The following CAMKMT variants were observed in gnomAD, a reference collection of about 807,000 sequenced individuals.
CAMKMT encodes the protein calmodulin-lysine N-methyltransferase, also known as CaM KMT.
A neutral mutation model predicts 48.0 loss-of-function variants in CAMKMT; 53 were observed. The ratio of observed to expected loss-of-function variants is 1.10; its 90% CI spans 0.89 to 1.39. The LOEUF (loss-of-function observed/expected upper bound fraction) is 1.39, where lower values mean the gene tolerates loss of function less well. CAMKMT is among the 40% of genes most tolerant of loss of function. The pLI is 0.00. For missense variants in CAMKMT, 428 were observed against 402.7 expected (o/e 1.06, Z -0.54); for synonymous variants, 165 against 152.3 (o/e 1.08, Z -0.61).
chr2:44,760,536 G>A (rs1042531587), intron 9 of CAMKMT, among the ~76,000 whole-genome samples: 3 of 151,492 alleles, frequency 2.0e-5, no homozygotes, highest in South Asian at 2.1e-4. Flanking sequence ...GTGTGAACCC[G>A]GGAGGTGGAG....
intron 7 of CAMKMT, among the ~76,000 whole-genome samples, chr2:44,735,958 G>T (rs1438804493): frequency 1.3e-5 from 2 of 151,936 alleles, no homozygotes; most frequent in East Asian, 3.9e-4. Flanking sequence ...GTAGTATACT[G>T]CCATTGGTCC....
chr2:44,624,446 T>C (rs1303147780), intron 3 of CAMKMT, among the ~76,000 whole-genome samples: 1 of 152,120 alleles, frequency 6.6e-6, no homozygotes, highest in Non-Finnish European at 1.5e-5. Flanking sequence ...CATTTAGCAT[T>C]AGGTATATCT....
chr2:44,385,965 G>T (rs1680743953), intron 2 of CAMKMT, among the ~76,000 whole-genome samples: 1 of 152,048 alleles, frequency 6.6e-6, no homozygotes, highest in Non-Finnish European at 1.5e-5. Context: ...CCTGGTTTTG[G>T]TATTAGAGTG....
intron 3 of CAMKMT, among the ~76,000 whole-genome samples, chr2:44,534,347 C>G (rs191507273): frequency 6.6e-6 from 1 of 152,200 alleles, no homozygotes; most frequent in Admixed American, 6.5e-5. Flanking sequence ...AAATCAACAA[C>G]GAGACATTGG....
chr2:44,629,258 G>A (rs1010118044), intron 3 of CAMKMT, among the ~76,000 whole-genome samples: 2 of 151,892 alleles, frequency 1.3e-5, no homozygotes, highest in African/African-American at 4.8e-5. Flanking sequence ...TGACTCCTAC[G>A]TCTTTATGAA....
intron 3 of CAMKMT, among the ~76,000 whole-genome samples, chr2:44,436,035 A>G (rs1390150961): frequency 1.3e-5 from 2 of 151,048 alleles, no homozygotes; most frequent in East Asian, 3.9e-4. Context: ...GTCATTATAG[A>G]TAGCATGTGC....
chr2:44,610,840 A>G (rs1290323140), intron 3 of CAMKMT, among the ~76,000 whole-genome samples: 1 of 152,234 alleles, frequency 6.6e-6, no homozygotes, highest in East Asian at 1.9e-4. Context: ...AAACGGATCC[A>G]TAGACTCAAT....
Position 44,385,661 on chromosome 2 carries a change from T to C in CAMKMT, c.312-4580T>C, listed in dbSNP as rs550613825. On this transcript the variant is annotated intron_variant, in intron 2 of 10. Transcript: ENST00000378494. The stretch of plus-strand genomic sequence containing the variant: ...AAGGAATGTCCCTTGTATGCCAGTT[T>C]TGCTGAGAGTTTTAATCATAAAGCA... Among the ~76,000 whole-genome samples the C allele has an allele frequency of 8.5e-5, 13 of 152,318 alleles. No homozygotes were observed. The South Asian group carries it at 1.2e-3, about 15-fold the overall frequency.
intron 3 of CAMKMT, among the ~76,000 whole-genome samples, chr2:44,545,683 T>TTTG (rs1374982438): frequency 1.4e-5 from 2 of 147,318 alleles, no homozygotes; most frequent in African/African-American, 5.0e-5. Flanking sequence ...GACTCGGTCT[T>TTTG]TTTTTTTTTT....
At chr2:44,415,115 C>T (rs1169979647) in intron 3 of CAMKMT, among the ~76,000 whole-genome samples, 2 of 152,266 alleles carry the variant, frequency 1.3e-5, no homozygotes, top group East Asian at 3.9e-4. Context: ...GGCGCCACTG[C>T]ACTCCAGCCT....
At chr2:44,408,106 A>G (rs1442273810) in intron 3 of CAMKMT, among the ~76,000 whole-genome samples, 4 of 148,782 alleles carry the variant, frequency 2.7e-5, no homozygotes, top group African/African-American at 1.0e-4. Context: ...GCTCACTGCA[A>G]CCTCCACCTC....
At chr2:44,431,936 G>A (rs1326044368) in intron 3 of CAMKMT, among the ~76,000 whole-genome samples, 1 of 152,152 alleles carries the variant, frequency 6.6e-6, no homozygotes, top group African/African-American at 2.4e-5. Flanking sequence ...AAAAGGCTGT[G>A]CTTCACTTTC....
intron 3 of CAMKMT, among the ~76,000 whole-genome samples, chr2:44,430,977 G>A (rs1396385736): frequency 1.3e-5 from 2 of 152,096 alleles, no homozygotes; most frequent in Non-Finnish European, 2.9e-5. Flanking sequence ...TTTGTAGCAC[G>A]TTATTAAAAA....
chr2:44,542,496 TACACACACAC>T (rs371102222), intron 3 of CAMKMT, among the ~76,000 whole-genome samples: 8,300 of 133,926 alleles, frequency 0.062, 203 homozygotes, highest in African/African-American at 0.085. Context: ...CACATACACA[TACACACACAC>T]ACACACACAC....
intron 3 of CAMKMT, among the ~76,000 whole-genome samples, chr2:44,577,671 G>A (rs1669302660): frequency 1.5e-5 from 2 of 135,664 alleles, no homozygotes; most frequent in South Asian, 5.1e-4. Flanking sequence ...GGGAGAGGGA[G>A]AGGGAGACAG....
At chr2:44,566,025 G>A (rs1451133334) in intron 3 of CAMKMT, among the ~76,000 whole-genome samples, 1 of 152,228 alleles carries the variant, frequency 6.6e-6, no homozygotes, top group East Asian at 1.9e-4. Flanking sequence ...AGTAATTGAG[G>A]ATTACAAATT....
intron 3 of CAMKMT, among the ~76,000 whole-genome samples, chr2:44,673,428 A>G (rs1251562110): frequency 3.9e-5 from 4 of 102,088 alleles, no homozygotes; most frequent in African/African-American, 7.0e-5. Flanking sequence ...GACCCTGTTT[A>G]AAAAAAAAAA....
chr2:44,524,661 T>G (rs1240076159), intron 3 of CAMKMT, among the ~76,000 whole-genome samples: 1 of 152,176 alleles, frequency 6.6e-6, no homozygotes, highest in East Asian at 1.9e-4. Context: ...ATGCCTTACT[T>G]CATGCTCCAG....
chr2:44,529,644 C>G (rs1328228315), intron 3 of CAMKMT, among the ~76,000 whole-genome samples: 7 of 152,192 alleles, frequency 4.6e-5, no homozygotes, highest in Non-Finnish European at 1.0e-4. Flanking sequence ...GCACAGTCTC[C>G]TTGGAACACA....
Sources: gnomAD v4.1 joint callset for allele counts (sites outside exome capture counted in the v4.1 genomes callset) on GRCh38, gnomAD v4.1.1 for gene constraint, MANE v1.5 for transcripts, NCBI Gene and HGNC (gene_info 2026-07-23, HGNC 2026-07-21) for gene names.